The following VPS13C variants were observed in gnomAD, a reference collection of about 807,000 sequenced individuals.
VPS13C encodes the protein intermembrane lipid transfer protein VPS13C.
VPS13C carries 358 observed loss-of-function variants against 456.8 expected under a neutral mutation model. The ratio of observed to expected loss-of-function variants is 0.78; its 90% CI spans 0.72 to 0.86. The LOEUF (loss-of-function observed/expected upper bound fraction) is 0.86. Ranked by LOEUF, VPS13C falls within the 40% of genes least tolerant of loss-of-function variation. VPS13C has a pLI of 0.00. For synonymous variants in VPS13C, 1,578 were observed against 1,486.7 expected (o/e 1.06, Z -1.41); for missense variants, 4,818 against 4,385.4 (o/e 1.10, Z -2.79).
At chr15:62,026,991 A>C (rs2047662487) in intron 6 of VPS13C, among the ~76,000 whole-genome samples, 1 of 152,112 alleles carries the variant, frequency 6.6e-6, no homozygotes, top group African/African-American at 2.4e-5. Context: ...TGTCAATAAA[A>C]GGAAAAATCA....
chr15:61,935,223 T>C (rs1413983110), intron 48 of VPS13C, among the ~76,000 whole-genome samples: 7 of 152,208 alleles, frequency 4.6e-5, no homozygotes, highest in Non-Finnish European at 1.0e-4. Context: ...TTTTCTCTCA[T>C]CTTTAGATAG....
At chr15:61,964,957 C>T in intron 30 of VPS13C, 96 bp from the exon 31 acceptor site, 1 of 1,123,752 alleles carries the variant, frequency 8.9e-7, no homozygotes, top group Non-Finnish European at 1.3e-6. Context: ...GGGCTTACAT[C>T]ATTGCTTTCC....
At chr15:61,913,234 A>G in intron 62 of VPS13C, 77 bp downstream of exon 62, 1 of 1,287,724 alleles carries the variant, frequency 7.8e-7, no homozygotes, top group South Asian at 1.2e-5. Flanking sequence ...ATGCACACAT[A>G]TGTTTATTCC....
At chr15:61,856,499 G>T in intron 82 of VPS13C, 90 bp from the exon 83 acceptor site, 1 of 1,472,664 alleles carries the variant, frequency 6.8e-7, no homozygotes, top group Non-Finnish European at 9.2e-7. Flanking sequence ...GGCAGAGGTA[G>T]CACTTGCTTA....
chr15:61,876,532 T>G (rs941124068), intron 75 of VPS13C, among the ~76,000 whole-genome samples: 4 of 151,984 alleles, frequency 2.6e-5, no homozygotes, highest in African/African-American at 9.7e-5. Context: ...GATGTCACCA[T>G]GCAGTTCCAT....
At chr15:61,948,986 GA>G (rs1341031058) in intron 42 of VPS13C, among the ~76,000 whole-genome samples, 2 of 152,118 alleles carry the variant, frequency 1.3e-5, no homozygotes, top group Admixed American at 6.5e-5. Flanking sequence ...GTTTTGGCTA[GA>G]AACCAATATG....
chr15:61,880,099 C>A (rs1895736153), intron 73 of VPS13C, among the ~76,000 whole-genome samples: 1 of 151,800 alleles, frequency 6.6e-6, no homozygotes, highest in African/African-American at 2.4e-5. Context: ...CTAAAAAGAA[C>A]AACAAAAGGG....
rs1404899258 is a variant in VPS13C at position 61,884,174 on chromosome 15, T to C, written c.9437A>G (p.Gln3146Arg). Residue 3146 changes from glutamine (Q) to arginine (R), a missense_variant, in exon 68 of 85, where the codon CAA becomes CGA. Coordinates refer to ENST00000644861, the MANE Select transcript of VPS13C (RefSeq NM_020821.3). ...AATCCAGCCATGGTCTCTTGATATT[T>C]GATGTTTCTGATAGGATTGTTCCAA... ...ILLEQSYQKH[Q>R]ISRDHGWIKL... is the part of the protein sequence containing the mutation. 6.2e-7 allele frequency: 1 copy of C among 1,610,092 alleles called. No individual in the cohort carries two copies. Among genetic ancestry groups the C allele is most frequent in the East Asian group, 2.2e-5 (1 of 44,640 alleles).
intron 3 of VPS13C, among the ~76,000 whole-genome samples, chr15:62,036,113 A>C (rs1159262171): frequency 6.6e-6 from 1 of 152,062 alleles, no homozygotes; most frequent in Admixed American, 6.6e-5. Context: ...GTTCCAAAAT[A>C]AAATACCTTC....
At chr15:62,023,871 G>T (rs777042793) in intron 6 of VPS13C, 26 bp from the exon 7 acceptor site, 1 of 1,595,480 alleles carries the variant, frequency 6.3e-7, no homozygotes, top group Admixed American at 1.7e-5. Flanking sequence ...ATTTTAGTGA[G>T]AAAAGGATAA....
At chr15:62,008,315 G>A (rs1178955891) in intron 14 of VPS13C, among the ~76,000 whole-genome samples, 3 of 151,924 alleles carry the variant, frequency 2.0e-5, no homozygotes, top group African/African-American at 4.8e-5. Flanking sequence ...CAGGAGAATC[G>A]CTTGAACCAG....
At chr15:61,960,177 T>C (rs889431728) in intron 35 of VPS13C, among the ~76,000 whole-genome samples, 1 of 152,096 alleles carries the variant, frequency 6.6e-6, no homozygotes, top group Admixed American at 6.6e-5. Context: ...CTGCCAAAAA[T>C]GTGTAAGTTC....
At chr15:62,057,634 G>T (rs1312242179) in intron 1 of VPS13C, among the ~76,000 whole-genome samples, 1 of 152,078 alleles carries the variant, frequency 6.6e-6, no homozygotes, top group Admixed American at 6.6e-5. Flanking sequence ...GAAAGAAATG[G>T]GTTTATTTGC....
intron 66 of VPS13C, chr15:61,906,915 A>ATT (rs2140134014): frequency 4.4e-6 from 1 of 226,450 alleles, no homozygotes; most frequent in African/African-American, 2.3e-5. Flanking sequence ...AACAAGCTTT[A>ATT]AAAACTCATA....
intron 63 of VPS13C, among the ~76,000 whole-genome samples, chr15:61,910,958 T>C (rs2043285922): frequency 6.6e-6 from 1 of 152,190 alleles, no homozygotes; most frequent in Non-Finnish European, 1.5e-5. Flanking sequence ...AGCACTTACT[T>C]GTTGCTGAGT....
rs1353473178 is a variant in VPS13C, at chr15:61,853,032, G to C, written c.*1425C>G. The C allele has an allele frequency of 6.6e-6, 1 of 151,938 alleles. No individual in the cohort carries two copies. Among genetic ancestry groups the C allele is most frequent in the East Asian group, 1.9e-4 (1 of 5,180 alleles). The allele number at this position is 151,938 out of a possible 1,614,324, so 9.4% of individuals were successfully genotyped here. Reference sequence around the variant, plus strand: ...TTAAACATTATGAGCAAATCTAAAGGTTCAACCAAAAAACTTACATATTTT... The same window carrying C: ...TTAAACATTATGAGCAAATCTAAAGCTTCAACCAAAAAACTTACATATTTT... On this transcript the variant is annotated 3_prime_UTR_variant, in exon 85 of 85. Transcript: ENST00000644861.
At chr15:62,017,567 G>A (rs28783433) in intron 9 of VPS13C, among the ~76,000 whole-genome samples, 3 of 151,954 alleles carry the variant, frequency 2.0e-5, no homozygotes, top group South Asian at 2.1e-4. Context: ...GCTTGTTTTC[G>A]TCAGGTTTGT....
chr15:61,993,173 G>A (rs1282472948), intron 16 of VPS13C, among the ~76,000 whole-genome samples: 1 of 151,998 alleles, frequency 6.6e-6, no homozygotes, highest in East Asian at 1.9e-4. Context: ...ATGAATTCAT[G>A]AACAGTTTTT....
intron 1 of VPS13C, among the ~76,000 whole-genome samples, chr15:62,051,503 T>C (rs1474695922): frequency 6.6e-6 from 1 of 152,116 alleles, no homozygotes; most frequent in Non-Finnish European, 1.5e-5. Flanking sequence ...CTTATAAAAC[T>C]CAATGCTATC....
Sources: gnomAD v4.1 joint callset for allele counts (sites outside exome capture counted in the v4.1 genomes callset) on GRCh38, gnomAD v4.1.1 for gene constraint, MANE v1.5 for transcripts, NCBI Gene and HGNC (gene_info 2026-07-23, HGNC 2026-07-21) for gene names.